Variants in CNTRL observed in about 807,000 individuals in gnomAD.
CNTRL encodes the protein 110 kDa centrosomal protein.
In CNTRL, 233 loss-of-function variants were observed where a neutral mutation model predicts 303.7. That is an observed-to-expected ratio of 0.77 (90% confidence interval 0.69 to 0.86). CNTRL has a LOEUF of 0.86. Ranked by LOEUF, CNTRL falls within the 40% of genes least tolerant of loss-of-function variation. The pLI, the probability that CNTRL is intolerant of heterozygous loss-of-function variation, is 0.00. For missense variants in CNTRL, 2,524 were observed against 2,650.6 expected, an observed-to-expected ratio of 0.95 and a Z score of 1.05; for synonymous variants, 900 against 922.2, an observed-to-expected ratio of 0.98 and a Z score of 0.44.
intron 3 of CNTRL, 109 bp downstream of exon 3, chr9:121,088,652 T>A: frequency 1.5e-6 from 1 of 655,118 alleles, no homozygotes; most frequent in Non-Finnish European, 2.7e-6. Context: ...ACTAATTTGA[T>A]CTATTGTTTT....
In CNTRL at chr9:121,158,065, C is replaced by G. The variant is rs193162684; in HGVS notation, c.4720C>G (p.Leu1574Val). ...HLQVLKESEV[L>V]LQAKRAELEK... is the part of the protein sequence containing the mutation. The stretch of plus-strand genomic sequence containing the variant: ...GCAGGTCCTTAAAGAATCTGAGGTG[C>G]TTCTTCAGGCCAAAAGAGCCGAGCT... The change falls in exon 30 of 44, where the codon CTT becomes GTT. Residue 1574 changes from leucine to valine, a missense_variant. Physicochemically the swap from Leu to Val is conservative, Grantham distance 32 (BLOSUM62 1). Coordinates refer to ENST00000373855, the MANE Select transcript of CNTRL (RefSeq NM_007018.6). 4.0e-5 allele frequency: 64 copies of G among 1,614,088 alleles called. No homozygotes were observed. The Admixed American group carries it at 8.7e-4, about 22-fold the overall frequency.
intron 14 of CNTRL, among the ~76,000 whole-genome samples, chr9:121,126,590 A>G (rs901681752): frequency 5.3e-5 from 8 of 152,194 alleles, no homozygotes; most frequent in African/African-American, 1.9e-4. Context: ...ACCCAGCTTA[A>G]GAAATAAAAC....
intron 38 of CNTRL, among the ~76,000 whole-genome samples, chr9:121,168,684 C>T (rs1179353283): frequency 6.6e-6 from 1 of 152,168 alleles, no homozygotes; most frequent in African/African-American, 2.4e-5. Context: ...ATTAACAGTT[C>T]TTTTGTCCAG....
rs141846346 is a variant in CNTRL, at chr9:121,105,912, A to AT, written c.809-1883dup. ...TGTCTCTTGTAGTACTTAATAAATCATTTTTTTAAAAAGATCAAAAATTAA... is the reference window on the plus strand; with the variant it reads ...TGTCTCTTGTAGTACTTAATAAATCATTTTTTTTAAAAAGATCAAAAATTAA... On this transcript the variant is annotated intron_variant, in intron 7 of 43. Transcript: ENST00000373855. Among the ~76,000 whole-genome samples, 989 of 152,306 alleles carry AT rather than the reference A, an allele frequency of 6.5e-3. 11 individuals are homozygous for AT. The highest frequency in any genetic ancestry group is 0.02 in the African/African-American group (813 of 41,550).
chr9:121,170,628 G>A (rs922412683), intron 39 of CNTRL, among the ~76,000 whole-genome samples: 1 of 151,878 alleles, frequency 6.6e-6, no homozygotes, highest in African/African-American at 2.4e-5. Flanking sequence ...GATAATTTTT[G>A]TATTTTTAGT....
At chr9:121,154,458 A>C (rs1349082309) in intron 26 of CNTRL, among the ~76,000 whole-genome samples, 1 of 152,256 alleles carries the variant, frequency 6.6e-6, no homozygotes, top group Non-Finnish European at 1.5e-5. Flanking sequence ...TGCTGACAAC[A>C]CAATAATCTT....
At chr9:121,124,744 C>A in intron 13 of CNTRL, among the ~76,000 whole-genome samples, 1 of 140,102 alleles carries the variant, frequency 7.1e-6, no homozygotes, top group Non-Finnish European at 1.5e-5. Context: ...TCGAGATCAG[C>A]ATGGGCAACA....
intron 17 of CNTRL, among the ~76,000 whole-genome samples, chr9:121,141,077 C>T (rs1028890627): frequency 6.6e-6 from 1 of 151,910 alleles, no homozygotes; most frequent in African/African-American, 2.4e-5. Context: ...GAAGTAGAGC[C>T]ACATTATACA....
intron 21 of CNTRL, 76 bp downstream of exon 21, chr9:121,145,035 A>C (rs1382633465): frequency 7.6e-7 from 1 of 1,317,594 alleles, no homozygotes; most frequent in African/African-American, 1.5e-5. Flanking sequence ...ACTGTAGGTG[A>C]TGTCTCAAAG....
intron 14 of CNTRL, among the ~76,000 whole-genome samples, chr9:121,135,490 A>G (rs2051135423): frequency 6.6e-6 from 1 of 152,212 alleles, no homozygotes; most frequent in Admixed American, 6.5e-5. Flanking sequence ...TAAGCATTAA[A>G]TCTTATCCTA....
At chr9:121,153,333 T>C (rs979788519) in intron 26 of CNTRL, among the ~76,000 whole-genome samples, 2 of 152,194 alleles carry the variant, frequency 1.3e-5, no homozygotes, top group African/African-American at 4.8e-5. Flanking sequence ...GTCTTTTTCT[T>C]TTATCACAGT....
intron 4 of CNTRL, among the ~76,000 whole-genome samples, chr9:121,091,958 A>G (rs916924265): frequency 6.3e-5 from 9 of 142,418 alleles, no homozygotes; most frequent in African/African-American, 2.3e-4. Context: ...TTACCACCCA[A>G]TCACAATTAG....
intron 1 of CNTRL, among the ~76,000 whole-genome samples, chr9:121,075,959 G>T (rs2047906165): frequency 6.6e-6 from 1 of 152,118 alleles, no homozygotes. Flanking sequence ...ATTGCCATTT[G>T]TAAATCAGGT....
chr9:121,083,921 T>C (rs72760209), intron 2 of CNTRL, among the ~76,000 whole-genome samples: 12,343 of 152,316 alleles, frequency 0.081, 552 homozygotes, highest in Non-Finnish European at 0.11. Flanking sequence ...AACATTGTTA[T>C]GTGATGCGTG....
chr9:121,154,856 G>A lies in CNTRL; in HGVS notation c.4308G>A (p.Arg1436=), dbSNP rs2052478108. Residue 1436 remains arginine, a synonymous_variant, in exon 27 of 44, where the codon AGG becomes AGA. Coordinates refer to ENST00000373855, the MANE Select transcript of CNTRL (RefSeq NM_007018.6). Reference sequence around the variant, plus strand: ...TTCTGAAACGTCGCTCAGAGCTCAGGGAAGCTGACCGACTCCTGGCAGAGG... The same window carrying A: ...TTCTGAAACGTCGCTCAGAGCTCAGAGAAGCTGACCGACTCCTGGCAGAGG... ...KTLLKRRSEL[R]EADRLLAEAE... 2 of 1,614,168 alleles carry A rather than the reference G, an allele frequency of 1.2e-6. No homozygotes were observed. The highest frequency in any genetic ancestry group is 1.7e-6 in the Non-Finnish European group (2 of 1,180,000).
At chr9:121,133,434 A>G (rs2050990782) in intron 14 of CNTRL, among the ~76,000 whole-genome samples, 1 of 152,258 alleles carries the variant, frequency 6.6e-6, no homozygotes, top group South Asian at 2.1e-4. Context: ...CTCTGTGAGC[A>G]TGGGACCTGC....
At chr9:121,132,988 C>A (rs1341300241) in intron 14 of CNTRL, among the ~76,000 whole-genome samples, 1 of 152,208 alleles carries the variant, frequency 6.6e-6, no homozygotes, top group African/African-American at 2.4e-5. Flanking sequence ...GCAAATATTG[C>A]TGCCTAATCC....
At chr9:121,155,400 G>A (rs2052516449) in intron 27 of CNTRL, among the ~76,000 whole-genome samples, 1 of 151,776 alleles carries the variant, frequency 6.6e-6, no homozygotes, top group Admixed American at 6.6e-5. Context: ...TTTTTTGTTT[G>A]AGATGGTGTC....
At position 121,098,478 on chromosome 9, in the gene CNTRL, G is replaced by A; in HGVS notation, c.714G>A (p.Gln238=). Reference sequence around the variant, plus strand: ...TTGTGACCCTTCCTCATTACCTCCAGTTTACCATTTTCCACCTCCGTTCAT... The same window carrying A: ...TTGTGACCCTTCCTCATTACCTCCAATTTACCATTTTCCACCTCCGTTCAT... ...NPVVTLPHYL[Q]FTIFHLRSLE... Residue 238 remains glutamine, a synonymous_variant, in exon 7 of 44, where the codon CAG becomes CAA. Coordinates refer to ENST00000373855, the MANE Select transcript of CNTRL (RefSeq NM_007018.6). 1.9e-6 allele frequency: 3 copies of A among 1,613,802 alleles called. No homozygotes were observed. The South Asian group carries it at 3.3e-5, about 18-fold the overall frequency.
Sources: gnomAD v4.1 joint callset for allele counts (sites outside exome capture counted in the v4.1 genomes callset) on GRCh38, gnomAD v4.1.1 for gene constraint, MANE v1.5 for transcripts, NCBI Gene and HGNC (gene_info 2026-07-23, HGNC 2026-07-21) for gene names.